GJB7: variants seen among roughly 807,000 people sequenced by gnomAD.
GJB7 encodes gap junction beta-7 protein.
For synonymous variants in GJB7, 87 were observed against 95.2 expected (o/e 0.91, Z 0.50); for missense variants, 253 against 256.8 (o/e 0.99, Z 0.10).
intron 2 of GJB7, among the ~76,000 whole-genome samples, chr6:87,302,674 A>G (rs1019944793): frequency 1.3e-5 from 2 of 152,228 alleles, no homozygotes; most frequent in Non-Finnish European, 2.9e-5. Context: ...GGAAATACAG[A>G]GAATGCCACA....
At position 87,306,474 on chromosome 6, in the gene GJB7, G is replaced by A. The variant is rs1333953449; in HGVS notation, c.-28+16392C>T. On this transcript the variant is annotated intron_variant, in intron 2 of 2. Transcript: ENST00000525899. Reference sequence around the variant, plus strand: ...GAAATGCAAATCAAAACCACAATGAGATACCATCTCACACCAGTTAGAATG... The same window carrying A: ...GAAATGCAAATCAAAACCACAATGAAATACCATCTCACACCAGTTAGAATG... 7.9e-5 allele frequency among the ~76,000 whole-genome samples: 12 copies of A among 152,270 alleles called. No homozygotes were observed. The East Asian group carries it at 1.7e-3, about 22-fold the overall frequency.
chr6:87,308,883 A>T (rs1562214316), intron 2 of GJB7, among the ~76,000 whole-genome samples: 1 of 152,248 alleles, frequency 6.6e-6, no homozygotes, highest in Non-Finnish European at 1.5e-5. Context: ...GTAATGACAT[A>T]TATGACGTGC....
intron 2 of GJB7, among the ~76,000 whole-genome samples, chr6:87,295,762 A>AT (rs1395030087): frequency 7.9e-5 from 12 of 152,214 alleles, no homozygotes; most frequent in Admixed American, 3.3e-4. Context: ...GGTCCCAGCC[A>AT]GATACCCTGT....
chr6:87,309,110 G>A (rs1776478829), intron 2 of GJB7, among the ~76,000 whole-genome samples: 1 of 152,158 alleles, frequency 6.6e-6, no homozygotes, highest in South Asian at 2.1e-4. Context: ...TGGAAGAGAA[G>A]CCACAGCCTT....
intron 2 of GJB7, chr6:87,300,338 C>T (rs372589531): frequency 1.4e-4 from 28 of 193,860 alleles, no homozygotes; most frequent in South Asian, 3.4e-4. Context: ...CTTTATTGGG[C>T]GCTGCTGGGG....
In GJB7 at chr6:87,284,396, G is replaced by T. The variant is rs773241083; in HGVS notation, c.517C>A (p.Pro173Thr). 1 of 1,614,156 alleles carries T rather than the reference G, an allele frequency of 6.2e-7. No homozygotes were observed. The highest frequency in any genetic ancestry group is 8.5e-7 in the Non-Finnish European group (1 of 1,180,034). ...PNTVDCFISK[P>T]TEKTIFILFL... ...AGGATGAAGATCGTCTTCTCAGTGG[G>T]TTTGGAGATGAAGCAGTCCACAGTG... The change falls in exon 3 of 3, where the codon CCC becomes ACC. Residue 173 changes from proline (P) to threonine (T), a missense_variant. Coordinates refer to ENST00000525899, the MANE Select transcript of GJB7 (RefSeq NM_198568.3).
At chr6:87,289,028 C>A (rs904107423) in intron 2 of GJB7, among the ~76,000 whole-genome samples, 1 of 152,194 alleles carries the variant, frequency 6.6e-6, no homozygotes, top group Non-Finnish European at 1.5e-5. Context: ...AGGCCAAACA[C>A]TTATCTGGAC....
chr6:87,319,695 A>G (rs1434473286), intron 2 of GJB7, among the ~76,000 whole-genome samples: 1 of 152,228 alleles, frequency 6.6e-6, no homozygotes, highest in Non-Finnish European at 1.5e-5. Context: ...AAAGAAAGGA[A>G]ATCAACACAT....
At chr6:87,327,766 G>A (rs1162584352) in intron 1 of GJB7, among the ~76,000 whole-genome samples, 1 of 145,190 alleles carries the variant, frequency 6.9e-6, no homozygotes, top group African/African-American at 2.6e-5. Flanking sequence ...TATCTTTGTG[G>A]CGTTCTCTGT....
chr6:87,287,722 A>T (rs182639485), intron 2 of GJB7, among the ~76,000 whole-genome samples: 24 of 152,296 alleles, frequency 1.6e-4, no homozygotes, highest in Non-Finnish European at 2.9e-5. Context: ...TATTTATGTA[A>T]TCTTACTAAA....
intron 2 of GJB7, among the ~76,000 whole-genome samples, chr6:87,321,571 G>A (rs914517940): frequency 5.3e-5 from 8 of 152,072 alleles, no homozygotes; most frequent in Non-Finnish European, 1.0e-4. Context: ...ATTTTTCAGG[G>A]TTTTTTTGAG....
intron 2 of GJB7, among the ~76,000 whole-genome samples, chr6:87,321,202 G>A (rs2127911720): frequency 7.2e-6 from 1 of 138,818 alleles, no homozygotes; most frequent in Middle Eastern, 4.2e-3. Context: ...CTGGGTGACA[G>A]AGTGACACTC....
At chr6:87,326,184 T>G (rs1776816751) in intron 1 of GJB7, among the ~76,000 whole-genome samples, 1 of 152,238 alleles carries the variant, frequency 6.6e-6, no homozygotes, top group Non-Finnish European at 1.5e-5. Context: ...TTGCTAGCGG[T>G]CTATCAATTT....
At chr6:87,319,165 T>C (rs913281848) in intron 2 of GJB7, among the ~76,000 whole-genome samples, 3 of 152,258 alleles carry the variant, frequency 2.0e-5, no homozygotes, top group Admixed American at 6.5e-5. Context: ...TTATTAAATA[T>C]TGATGGCCCT....
At chr6:87,326,774 C>T (rs564681985) in intron 1 of GJB7, among the ~76,000 whole-genome samples, 41 of 119,064 alleles carry the variant, frequency 3.4e-4, no homozygotes, top group African/African-American at 1.2e-3. Context: ...CTGTAGATGT[C>T]TATTAGGTCT....
chr6:87,320,116 G>A (rs537065630), intron 2 of GJB7, among the ~76,000 whole-genome samples: 12 of 152,066 alleles, frequency 7.9e-5, no homozygotes, highest in South Asian at 2.1e-4. Flanking sequence ...AGCACAACAC[G>A]GTGACTACAG....
intron 2 of GJB7, among the ~76,000 whole-genome samples, chr6:87,303,436 T>G (rs1776367740): frequency 6.6e-6 from 1 of 152,168 alleles, no homozygotes; most frequent in Admixed American, 6.5e-5. Context: ...AAGAAGGCCA[T>G]TACATAAAGG....
At chr6:87,285,635 T>C (rs1013413173) in intron 2 of GJB7, among the ~76,000 whole-genome samples, 1 of 152,230 alleles carries the variant, frequency 6.6e-6, no homozygotes, top group Non-Finnish European at 1.5e-5. Context: ...CTATATCCCA[T>C]TCTTGATCTA....
At chr6:87,304,885 G>A (rs1103084) in intron 2 of GJB7, among the ~76,000 whole-genome samples, 92,586 of 151,976 alleles carry the variant, frequency 0.61, 28,519 homozygotes, top group African/African-American at 0.65. Context: ...GCAAATCAAT[G>A]AACGTAATCC....
Sources: gnomAD v4.1 joint callset for allele counts (sites outside exome capture counted in the v4.1 genomes callset) on GRCh38, gnomAD v4.1.1 for gene constraint, MANE v1.5 for transcripts, NCBI Gene and HGNC (gene_info 2026-07-23, HGNC 2026-07-21) for gene names.